The following TTLL1 variants were observed in gnomAD, a reference collection of about 807,000 sequenced individuals.
TTLL1 encodes polyglutamylase complex subunit TTLL1.
TTLL1 carries 33 observed loss-of-function variants against 47.8 expected under a neutral mutation model. That is an observed-to-expected ratio of 0.69 (90% CI 0.52 to 0.92). TTLL1 has a LOEUF of 0.92. TTLL1 is among the 40% of genes least tolerant of loss of function. The pLI is 0.00. For synonymous variants in TTLL1, 225 were observed against 214.1 expected (o/e 1.05, Z -0.45); for missense variants, 488 against 547.5 (o/e 0.89, Z 1.08).
intron 9 of TTLL1, among the ~76,000 whole-genome samples, chr22:43,049,601 CAAA>C (rs34707208): frequency 4.7e-5 from 5 of 105,436 alleles, no homozygotes; most frequent in Admixed American, 9.8e-5. Flanking sequence ...CCCATCTCCA[CAAA>C]AAAAAAAAAA....
Position 43,050,243 on chromosome 22 carries a change from C to T in TTLL1, c.978+1558G>A, listed in dbSNP as rs576472286. On this transcript the variant is annotated intron_variant, in intron 9 of 10. Transcript: ENST00000266254. ...CCAGCCTGACCAAAATGGTGAAACA[C>T]CATCTCTACTAAAAATACAAAAATT... Among the ~76,000 whole-genome samples, 5 of 151,686 alleles carry T rather than the reference C, an allele frequency of 3.3e-5. No homozygotes were observed. In the South Asian group the frequency reaches 1.0e-3, roughly 32 times the overall value.
At chr22:43,054,531 T>A (rs1441873455) in intron 8 of TTLL1, among the ~76,000 whole-genome samples, 1 of 151,648 alleles carries the variant, frequency 6.6e-6, no homozygotes, top group Admixed American at 6.6e-5. Context: ...TTCAAGCGAT[T>A]CTCTTGCTTC....
At chr22:43,081,242 T>C (rs777626834) in intron 1 of TTLL1, among the ~76,000 whole-genome samples, 185 of 152,014 alleles carry the variant, frequency 1.2e-3, no homozygotes, top group Non-Finnish European at 2.1e-3. Context: ...GGCTGTGATG[T>C]GGGCATGCGC....
intron 1 of TTLL1, among the ~76,000 whole-genome samples, chr22:43,084,102 G>A (rs937563278): frequency 1.3e-5 from 2 of 152,274 alleles, no homozygotes; most frequent in Non-Finnish European, 1.5e-5. Context: ...CAAAAGGGAT[G>A]CCACGGAAGA....
intron 8 of TTLL1, among the ~76,000 whole-genome samples, chr22:43,056,953 C>T (rs143207310): frequency 2.1e-4 from 32 of 152,192 alleles, no homozygotes; most frequent in Middle Eastern, 6.8e-3. Context: ...CCACCACGCC[C>T]GGCTAATTTA....
At chr22:43,083,628 T>C (rs1218476960) in intron 1 of TTLL1, among the ~76,000 whole-genome samples, 2 of 152,092 alleles carry the variant, frequency 1.3e-5, no homozygotes, top group Admixed American at 6.6e-5. Context: ...CTCGGGAGGC[T>C]GAGGCATGAG....
At position 43,064,227 on chromosome 22, in the gene TTLL1, C is replaced by T. The variant is rs773416886; in HGVS notation, c.601G>A (p.Val201Ile). 405 of 1,614,098 alleles carry T rather than the reference C, an allele frequency of 2.5e-4. 2 individuals are homozygous for T. In the South Asian group the frequency reaches 3.0e-3, roughly 12 times the overall value. Residue 201 changes from valine to isoleucine, a missense_variant, in exon 6 of 11, where the codon GTT becomes ATT. Val to Ile is a conservative substitution (Grantham distance 29). Coordinates refer to ENST00000266254, the MANE Select transcript of TTLL1 (RefSeq NM_012263.5). The stretch of plus-strand genomic sequence containing the variant: ...AGTGGACGGTACGTGGACACCAGAA[C>T]GTACAAGCGCAGGTCGAACTTCCTC... ...GGRKFDLRLY[V>I]LVSTYRPLRC... is the part of the protein sequence containing the mutation.
intron 10 of TTLL1, among the ~76,000 whole-genome samples, chr22:43,040,883 G>A (rs1010305711): frequency 1.3e-5 from 2 of 152,238 alleles, no homozygotes. Flanking sequence ...CTCCCCAGAC[G>A]GGGTGGTCAC....
intron 3 of TTLL1, among the ~76,000 whole-genome samples, chr22:43,072,163 T>TC (rs1928168742): frequency 6.6e-6 from 1 of 151,040 alleles, no homozygotes; most frequent in Non-Finnish European, 1.5e-5. Flanking sequence ...TCTTTTTTTT[T>TC]TTTTTTTTGA....
chr22:43,067,481 G>A (rs1927815837), intron 5 of TTLL1, among the ~76,000 whole-genome samples: 1 of 152,184 alleles, frequency 6.6e-6, no homozygotes, highest in Non-Finnish European at 1.5e-5. Context: ...CCACGACTGA[G>A]CGGTTCTCAC....
intron 2 of TTLL1, among the ~76,000 whole-genome samples, chr22:43,076,006 C>T (rs945966600): frequency 2.0e-5 from 3 of 152,186 alleles, no homozygotes; most frequent in Non-Finnish European, 4.4e-5. Flanking sequence ...CTCTGAGAGC[C>T]GCAGACAGGG....
At chr22:43,064,116 C>A in intron 6 of TTLL1, 74 bp downstream of exon 6, 1 of 1,574,498 alleles carries the variant, frequency 6.4e-7, no homozygotes, top group Non-Finnish European at 8.6e-7. Context: ...TGAAACCTCA[C>A]AATGGTGCTA....
At chr22:43,047,144 CACAA>C (rs1251499829) in intron 9 of TTLL1, among the ~76,000 whole-genome samples, 2 of 152,158 alleles carry the variant, frequency 1.3e-5, no homozygotes, top group Non-Finnish European at 2.9e-5. Flanking sequence ...CAGTGTATAT[CACAA>C]ACGTTATCAG....
chr22:43,074,866 C>G (rs2146986363), intron 3 of TTLL1, among the ~76,000 whole-genome samples: 1 of 151,660 alleles, frequency 6.6e-6, no homozygotes. Flanking sequence ...ATAGCAAGAC[C>G]CTGTCTCTAC....
At chr22:43,083,322 T>C (rs924903439) in intron 1 of TTLL1, among the ~76,000 whole-genome samples, 1 of 151,992 alleles carries the variant, frequency 6.6e-6, no homozygotes, top group African/African-American at 2.4e-5. Flanking sequence ...TGAGCCAAGA[T>C]TGCACCACTG....
chr22:43,057,596 A>G (rs1228950848), intron 8 of TTLL1, among the ~76,000 whole-genome samples: 1 of 151,594 alleles, frequency 6.6e-6, no homozygotes, highest in African/African-American at 2.4e-5. Flanking sequence ...CCACACACAC[A>G]CTCCACGGTG....
In TTLL1 at chr22:43,079,883, C is replaced by A. The variant is rs570271874; in HGVS notation, c.-5+19G>T. ...TGTGGGCAAATGGTCCCTAAGGGGCCGTCTCAGGCTGTACCTACCATAGGC... is the reference window on the plus strand; with the variant it reads ...TGTGGGCAAATGGTCCCTAAGGGGCAGTCTCAGGCTGTACCTACCATAGGC... On this transcript the variant is annotated intron_variant, in intron 2 of 10. Transcript: ENST00000266254. 1 of 152,158 alleles carries A rather than the reference C, an allele frequency of 6.6e-6. No individual in the cohort carries two copies. The highest frequency in any genetic ancestry group is 2.4e-5 in the African/African-American group (1 of 41,442). 9.4% of individuals were successfully genotyped at this position (152,158 alleles called of 1,614,324 possible).
At chr22:43,069,349 G>A (rs1446122398) in intron 4 of TTLL1, among the ~76,000 whole-genome samples, 3 of 141,938 alleles carry the variant, frequency 2.1e-5, no homozygotes, top group Non-Finnish European at 3.0e-5. Context: ...CTGAGATCGC[G>A]CCACTACACT....
chr22:43,089,187 C>T (rs1929449165), intron 1 of TTLL1, 90 bp downstream of exon 1: 1 of 152,276 alleles, frequency 6.6e-6, no homozygotes, highest in South Asian at 2.1e-4. Context: ...CACTGGCGCC[C>T]ACACTCTCTC....
Sources: gnomAD v4.1 joint callset for allele counts (sites outside exome capture counted in the v4.1 genomes callset) on GRCh38, gnomAD v4.1.1 for gene constraint, MANE v1.5 for transcripts, NCBI Gene and HGNC (gene_info 2026-07-23, HGNC 2026-07-21) for gene names.